BMPER: variants seen among roughly 807,000 people sequenced by gnomAD.
BMPER encodes the protein BMP-binding endothelial regulator protein.
Under a neutral mutation model 87.3 loss-of-function variants are expected in BMPER, and 45 were observed. The observed-to-expected ratio is 0.52, with a 90% confidence interval of 0.41 to 0.66. The LOEUF is 0.66. Ranked by LOEUF, BMPER falls within the 30% of genes least tolerant of loss-of-function variation. The pLI is 0.00. For missense variants in BMPER, 784 were observed against 867.5 expected, an observed-to-expected ratio of 0.90 and a Z score of 1.21; for synonymous variants, 326 against 316.2, an observed-to-expected ratio of 1.03 and a Z score of -0.33.
intron 6 of BMPER, among the ~76,000 whole-genome samples, chr7:34,035,867 GC>G (rs1787649478): frequency 6.6e-6 from 1 of 152,184 alleles, no homozygotes; most frequent in African/African-American, 2.4e-5. Flanking sequence ...ATTTTAGGTA[GC>G]CAGAACTTAA....
chr7:34,012,189 T>C (rs973181978), intron 6 of BMPER, among the ~76,000 whole-genome samples: 1 of 151,910 alleles, frequency 6.6e-6, no homozygotes, highest in African/African-American at 2.4e-5. Context: ...AGGCTAAAAG[T>C]TCACAGAGAC....
chr7:33,977,554 A>G (rs1785719738), intron 6 of BMPER, among the ~76,000 whole-genome samples: 1 of 152,198 alleles, frequency 6.6e-6, no homozygotes, highest in South Asian at 2.1e-4. Flanking sequence ...TGAGGAGGCT[A>G]CCAGAGGGGT....
At chr7:34,003,504 C>A (rs1279428881) in intron 6 of BMPER, among the ~76,000 whole-genome samples, 1 of 151,946 alleles carries the variant, frequency 6.6e-6, no homozygotes, top group Non-Finnish European at 1.5e-5. Flanking sequence ...TAAATACTCT[C>A]TTTTATATTT....
intron 13 of BMPER, among the ~76,000 whole-genome samples, chr7:34,139,846 G>A (rs1790817126): frequency 6.6e-6 from 1 of 152,054 alleles, no homozygotes; most frequent in Admixed American, 6.5e-5. Context: ...CCTTATTATG[G>A]ATAATTTAGG....
At chr7:34,101,688 G>A (rs971961829) in intron 13 of BMPER, among the ~76,000 whole-genome samples, 8 of 152,182 alleles carry the variant, frequency 5.3e-5, no homozygotes, top group East Asian at 1.9e-4. Flanking sequence ...TGATTCCTGG[G>A]GTCTGTCCTT....
intron 3 of BMPER, among the ~76,000 whole-genome samples, chr7:33,944,973 G>T (rs1390528939): frequency 6.6e-6 from 1 of 152,124 alleles, no homozygotes; most frequent in South Asian, 2.1e-4. Flanking sequence ...ATGGAGTCTC[G>T]CTCTGTCACC....
intron 8 of BMPER, among the ~76,000 whole-genome samples, chr7:34,053,037 A>G (rs950969266): frequency 2.0e-5 from 3 of 152,184 alleles, no homozygotes; most frequent in African/African-American, 7.2e-5. Flanking sequence ...TCTTGGGGAT[A>G]CTGAGCCTTT....
Position 34,078,881 on chromosome 7 carries a change from G to A in BMPER, c.1103G>A (p.Gly368Glu), listed in dbSNP as rs893069672. Reference protein sequence around the residue: ...TEKPGVCTVFGDPHYNTFDGR... With the variant: ...TEKPGVCTVFEDPHYNTFDGR... Reference sequence around the variant, plus strand: ...GAGCCCGGCGTTTGCACGGTGTTTGGAGATCCCCACTACAACACTTTTGAC... The same window carrying A: ...GAGCCCGGCGTTTGCACGGTGTTTGAAGATCCCCACTACAACACTTTTGAC... Residue 368 changes from glycine (G) to glutamate (E), a missense_variant, in exon 12 of 15, where the codon GGA (glycine) becomes GAA (glutamate). Gly to Glu is a moderately conservative substitution (Grantham distance 98). Coordinates refer to ENST00000649409, the MANE Select transcript of BMPER (RefSeq NM_001365308.1). The A allele has an allele frequency of 1.2e-6, 2 of 1,614,152 alleles. No homozygotes were observed. Among genetic ancestry groups the A allele is most frequent in the Non-Finnish European group, 1.7e-6 (2 of 1,180,046 alleles).
chr7:34,007,549 T>G (rs977544053), intron 6 of BMPER, among the ~76,000 whole-genome samples: 7 of 151,958 alleles, frequency 4.6e-5, no homozygotes, highest in African/African-American at 1.7e-4. Context: ...ATGGTAGTAT[T>G]CTATATGTTC....
In BMPER at chr7:34,058,245, A is replaced by T. The variant is rs980497336; in HGVS notation, c.1032+82A>T. ...TGGCACAGTCGCATGCCATCTTCCG[A>T]ACACAGACTCCAGCTCCCCCAAAGC... On this transcript the variant is annotated intron_variant, in intron 10 of 14. Coordinates refer to ENST00000649409, the MANE Select transcript of BMPER (RefSeq NM_001365308.1). The T allele has an allele frequency of 2.3e-5, 29 of 1,285,452 alleles. No homozygotes were observed. The African/African-American group carries it at 3.8e-4, about 17-fold the overall frequency. 79.6% of individuals were successfully genotyped at this position (1,285,452 alleles called of 1,614,324 possible).
intron 6 of BMPER, among the ~76,000 whole-genome samples, chr7:34,005,722 A>AT (rs992887414): frequency 1.3e-5 from 2 of 151,912 alleles, no homozygotes; most frequent in African/African-American, 4.8e-5. Flanking sequence ...GTTGATTTTG[A>AT]TAATTGTTGA....
rs565404221 is a variant in BMPER at position 34,100,812 on chromosome 7, A to C, written c.1745+14720A>C. On this transcript the variant is annotated intron_variant, in intron 13 of 14. Transcript: ENST00000649409. ...AGGGCCATGTTCCTTTGCAGAATAC[A>C]TCTGGGGTGAGGAGGATACACTTGC... 6.6e-5 allele frequency among the ~76,000 whole-genome samples: 10 copies of C among 152,274 alleles called. No homozygotes were observed. The South Asian group carries it at 2.1e-3, about 32-fold the overall frequency.
chr7:33,929,123 C>T (rs1433151085), intron 2 of BMPER, among the ~76,000 whole-genome samples: 1 of 152,112 alleles, frequency 6.6e-6, no homozygotes, highest in African/African-American at 2.4e-5. Context: ...AGAGTTTGCA[C>T]TGTGAGCTGG....
chr7:34,038,215 A>G (rs1787735308), intron 6 of BMPER, among the ~76,000 whole-genome samples: 1 of 152,114 alleles, frequency 6.6e-6, no homozygotes, highest in Non-Finnish European at 1.5e-5. Context: ...CCCACTTACA[A>G]TAGTACTTAT....
intron 6 of BMPER, among the ~76,000 whole-genome samples, chr7:33,990,023 G>GT (rs1786158427): frequency 6.6e-6 from 1 of 151,820 alleles, no homozygotes. Context: ...CTGTAGCCTT[G>GT]TAGTATAGTT....
intron 13 of BMPER, among the ~76,000 whole-genome samples, chr7:34,098,586 G>C (rs1301455793): frequency 6.6e-6 from 1 of 152,146 alleles, no homozygotes; most frequent in Non-Finnish European, 1.5e-5. Flanking sequence ...AGGAGGGAGA[G>C]AGAGAGGGTG....
In BMPER at chr7:34,143,144, C is replaced by T. The variant is rs543582985; in HGVS notation, c.1746-86C>T. On this transcript the variant is annotated intron_variant, in intron 13 of 14. Coordinates refer to ENST00000649409, the MANE Select transcript of BMPER (RefSeq NM_001365308.1). ...TTTTAATGGGCCAATCAGGTTTTCC[C>T]ATCTACGACCCTTTCTGAAGTTATA... 21 of 1,585,666 alleles carry T rather than the reference C, an allele frequency of 1.3e-5. No homozygotes were observed. The South Asian group carries it at 2.2e-4, about 17-fold the overall frequency.
At chr7:34,137,349 G>A (rs1790745326) in intron 13 of BMPER, among the ~76,000 whole-genome samples, 1 of 152,226 alleles carries the variant, frequency 6.6e-6, no homozygotes, top group Non-Finnish European at 1.5e-5. Flanking sequence ...CCACAGAGTG[G>A]GAGCAAGGAT....
At chr7:34,024,235 G>A (rs1321768501) in intron 6 of BMPER, among the ~76,000 whole-genome samples, 1 of 149,440 alleles carries the variant, frequency 6.7e-6, no homozygotes, top group East Asian at 2.0e-4. Flanking sequence ...GCACGTGCCT[G>A]TAATCCCAGC....
Sources: gnomAD v4.1 joint callset for allele counts (sites outside exome capture counted in the v4.1 genomes callset) on GRCh38, gnomAD v4.1.1 for gene constraint, MANE v1.5 for transcripts, NCBI Gene and HGNC (gene_info 2026-07-23, HGNC 2026-07-21) for gene names.